P2RX5: variants seen among roughly 807,000 people sequenced by gnomAD.
P2RX5 encodes purinergic receptor P2X 5, also known as P2X purinoceptor 5.
In P2RX5, 46 loss-of-function variants were observed where a neutral mutation model predicts 54.1. That is an observed-to-expected ratio of 0.85 (90% confidence interval 0.67 to 1.09). The LOEUF (loss-of-function observed/expected upper bound fraction) is 1.09. Among genes scored for constraint, P2RX5 ranks in the 50% least tolerant of loss-of-function variants. P2RX5 has a pLI of 0.00. For synonymous variants in P2RX5, 226 were observed against 226.4 expected (o/e 1.00, Z 0.02); for missense variants, 566 against 549.8 (o/e 1.03, Z -0.29).
the P2RX5 span, among the ~76,000 whole-genome samples, chr17:3,719,030 G>A: frequency 6.6e-6 from 1 of 151,898 alleles, no homozygotes; most frequent in Admixed American, 6.6e-5. Flanking sequence ...TCAGAAGTTC[G>A]AGACCAGCCT....
chr17:3,694,175 T>C (rs2050693942), intron 1 of P2RX5, among the ~76,000 whole-genome samples: 1 of 142,086 alleles, frequency 7.0e-6, no homozygotes, highest in South Asian at 2.2e-4. Context: ...GGAGGGCTGA[T>C]AGATGCCACA....
chr17:3,688,426 G>C (rs1336320677), intron 8 of P2RX5, among the ~76,000 whole-genome samples, 200 bp downstream of exon 8: 2 of 152,158 alleles, frequency 1.3e-5, no homozygotes, highest in Non-Finnish European at 1.5e-5. Flanking sequence ...GCAAGAACAC[G>C]CGCTCTCCTC....
At chr17:3,683,634 G>T (rs2050348306) in intron 9 of P2RX5, among the ~76,000 whole-genome samples, 1 of 151,710 alleles carries the variant, frequency 6.6e-6, no homozygotes, top group Non-Finnish European at 1.5e-5. Flanking sequence ...GGAGGCTGAG[G>T]CAGAAGAATT....
rs773314125 is a variant in P2RX5 at position 3,688,030 on chromosome 17, G to A, written c.963C>T (p.Asp321=). The A allele has an allele frequency of 2.9e-5, 46 of 1,583,918 alleles. No homozygotes were observed. Among genetic ancestry groups the A allele is most frequent in the Admixed American group, 1.7e-4 (10 of 57,858 alleles). ...CACGCACCTTGCCGTTCACCATCAC[G>A]TCAAAGCGGATCCCGTAGGCTTTCA... ...TLMKAYGIRF[D]VMVNGKGAFF... Residue 321 remains aspartate, a synonymous_variant, in exon 9 of 12, where the codon GAC becomes GAT. Coordinates refer to ENST00000225328, the MANE Select transcript of P2RX5 (RefSeq NM_002561.4).
chr17:3,713,343 C>G, the P2RX5 span, among the ~76,000 whole-genome samples: 1 of 152,038 alleles, frequency 6.6e-6, no homozygotes, highest in Non-Finnish European at 1.5e-5. Flanking sequence ...CTGGGCAACA[C>G]AGTGAGACCC....
chr17:3,690,715 T>A (rs552774403), intron 3 of P2RX5, 35 bp from the exon 4 acceptor site: 6 of 1,596,462 alleles, frequency 3.8e-6, no homozygotes, highest in Non-Finnish European at 4.3e-6. Flanking sequence ...GATGGGGGGG[T>A]TCCCCCAGCT....
chr17:3,676,639 T>C (rs769366398), intron 11 of P2RX5: 4 of 981,116 alleles, frequency 4.1e-6, no homozygotes, highest in Non-Finnish European at 4.8e-6. Flanking sequence ...GAACCAGGGC[T>C]TCTTAAATGT....
In P2RX5 at chr17:3,673,714, T is replaced by C; in HGVS notation, c.*154A>G. The C allele has an allele frequency of 6.3e-7, 1 of 1,584,718 alleles. No individual in the cohort carries two copies. The highest frequency in any genetic ancestry group is 8.6e-7 in the Non-Finnish European group (1 of 1,165,822). Reference sequence around the variant, plus strand: ...CCAGCATCAGACGTGGAGGTCACTTTGCTCTGTGATGGCTGGTCCCTGTGA... The same window carrying C: ...CCAGCATCAGACGTGGAGGTCACTTCGCTCTGTGATGGCTGGTCCCTGTGA... On this transcript the variant is annotated 3_prime_UTR_variant, in exon 12 of 12. Coordinates refer to ENST00000225328, the MANE Select transcript of P2RX5 (RefSeq NM_002561.4).
chr17:3,720,322 C>T, the P2RX5 span: 3 of 1,566,908 alleles, frequency 1.9e-6, no homozygotes, highest in Non-Finnish European at 2.6e-6. Flanking sequence ...TTCTGTGGTT[C>T]TCTGCATTCA....
intron 11 of P2RX5, among the ~76,000 whole-genome samples, 162 bp from the exon 12 acceptor site, chr17:3,674,039 T>G (rs2050042068): frequency 6.6e-6 from 1 of 152,120 alleles, no homozygotes; most frequent in South Asian, 2.1e-4. Flanking sequence ...CCAGGCGCGG[T>G]GGCTCATGCC....
chr17:3,714,228 ATTTTGT>A, the P2RX5 span, among the ~76,000 whole-genome samples: 1 of 126,368 alleles, frequency 7.9e-6, no homozygotes, highest in Admixed American at 8.2e-5. Context: ...CACCCCGCCT[ATTTTGT>A]TTTTTTCTTT....
At chr17:3,710,446 TA>T in the P2RX5 span, among the ~76,000 whole-genome samples, 2 of 151,114 alleles carry the variant, frequency 1.3e-5, no homozygotes, top group Non-Finnish European at 3.0e-5. Flanking sequence ...AATAAATAAA[TA>T]AATTAATAAA....
At chr17:3,680,623 AGGCC>A (rs2050240366) in intron 10 of P2RX5, among the ~76,000 whole-genome samples, 1 of 47,872 alleles carries the variant, frequency 2.1e-5, no homozygotes, top group African/African-American at 1.1e-4. Context: ...TCCACCCTGC[AGGCC>A]ACCACCCTGC....
chr17:3,682,642 T>A (rs1162989722), intron 9 of P2RX5: 1 of 160,928 alleles, frequency 6.2e-6, no homozygotes, highest in Non-Finnish European at 1.4e-5. Flanking sequence ...CAGCCCGAAT[T>A]TTGGCATTTA....
At chr17:3,680,884 A>G in intron 10 of P2RX5, among the ~76,000 whole-genome samples, 1 of 140,132 alleles carries the variant, frequency 7.1e-6, no homozygotes, top group East Asian at 2.1e-4. Flanking sequence ...AGTGTCCTCC[A>G]CCCTGCATCC....
At chr17:3,715,330 T>C in the P2RX5 span, among the ~76,000 whole-genome samples, 1 of 152,034 alleles carries the variant, frequency 6.6e-6, no homozygotes. Flanking sequence ...CATCATCTAG[T>C]AGGAAAAAGA....
At chr17:3,720,226 G>A in the P2RX5 span, 1 of 702,388 alleles carries the variant, frequency 1.4e-6, no homozygotes, top group Non-Finnish European at 2.6e-6. Context: ...ACAGGAAGAG[G>A]GCAACAGAAT....
At chr17:3,695,114 G>A (rs1041223204) in intron 1 of P2RX5, among the ~76,000 whole-genome samples, 13 of 152,210 alleles carry the variant, frequency 8.5e-5, no homozygotes, top group African/African-American at 2.7e-4. Flanking sequence ...CTGAACGAGT[G>A]GAATGAGGCG....
the P2RX5 span, among the ~76,000 whole-genome samples, chr17:3,715,972 T>G: frequency 6.6e-6 from 1 of 151,826 alleles, no homozygotes; most frequent in South Asian, 2.1e-4. Flanking sequence ...CTGGCCAATA[T>G]GGTGAAACCC....
Sources: gnomAD v4.1 joint callset for allele counts (sites outside exome capture counted in the v4.1 genomes callset) on GRCh38, gnomAD v4.1.1 for gene constraint, MANE v1.5 for transcripts, NCBI Gene and HGNC (gene_info 2026-07-23, HGNC 2026-07-21) for gene names.